Variants in ZRANB2 observed in about 807,000 individuals in gnomAD.
The protein encoded by ZRANB2 is zinc finger RANBP2-type containing 2.
In ZRANB2, 19 loss-of-function variants were observed where a neutral mutation model predicts 53.4. That is an observed-to-expected ratio of 0.36 (90% CI 0.25 to 0.52). The LOEUF (loss-of-function observed/expected upper bound fraction) is 0.52, where lower values mean the gene tolerates loss of function less well. ZRANB2 is among the 20% of genes least tolerant of loss of function. The pLI, the probability that ZRANB2 is intolerant of heterozygous loss-of-function variation, is 0.93. For synonymous variants in ZRANB2, 145 were observed against 134.8 expected, an observed-to-expected ratio of 1.08 and a Z score of -0.52; for missense variants, 309 against 401.1, an observed-to-expected ratio of 0.77 and a Z score of 1.96.
At chr1:71,069,470 A>G (rs1160245524) in intron 7 of ZRANB2, 108 bp from the exon 8 acceptor site, 3 of 703,464 alleles carry the variant, frequency 4.3e-6, no homozygotes, top group Non-Finnish European at 7.2e-6. Context: ...ATATAAAAAG[A>G]TAACTATACA....
chr1:71,080,922 G>C lies in ZRANB2; in HGVS notation c.56+18C>G. On this transcript the variant is annotated intron_variant, in intron 1 of 9. Coordinates refer to ENST00000370920, the MANE Select transcript of ZRANB2 (RefSeq NM_203350.3). ...ACTAACAAACTCCGTCCCAATTCAG[G>C]ACCCTTCTTGAACTCACTTTTTGTC... 1 of 1,613,944 alleles carries C rather than the reference G, an allele frequency of 6.2e-7. No homozygotes were observed. Among genetic ancestry groups the C allele is most frequent in the Non-Finnish European group, 8.5e-7 (1 of 1,179,842 alleles).
chr1:71,071,128 C>T, intron 6 of ZRANB2, 132 bp from the exon 7 acceptor site: 1 of 739,750 alleles, frequency 1.4e-6, no homozygotes, highest in Non-Finnish European at 1.9e-6. Context: ...ATTCTGAATT[C>T]TAAAATTCAC....
At chr1:71,076,752 G>T in intron 4 of ZRANB2, 43 bp downstream of exon 4, 1 of 1,413,380 alleles carries the variant, frequency 7.1e-7, no homozygotes, top group Non-Finnish European at 9.9e-7. Context: ...AATATTTAGT[G>T]CTTTAAAAAA....
chr1:71,069,537 G>A, intron 7 of ZRANB2, 175 bp from the exon 8 acceptor site: 1 of 423,104 alleles, frequency 2.4e-6, no homozygotes, highest in Non-Finnish European at 4.2e-6. Flanking sequence ...GTAACAAAAG[G>A]TAATTAAAAA....
chr1:71,071,069 T>G (rs1661584839), intron 6 of ZRANB2, 73 bp from the exon 7 acceptor site: 2 of 1,338,380 alleles, frequency 1.5e-6, no homozygotes, highest in Non-Finnish European at 2.0e-6. Context: ...AACAGTTAGG[T>G]GTACTGAGCA....
At chr1:71,080,718 G>A (rs888336616) in intron 1 of ZRANB2, among the ~76,000 whole-genome samples, 4 of 152,090 alleles carry the variant, frequency 2.6e-5, no homozygotes, top group Admixed American at 6.5e-5. Flanking sequence ...CCTTGCGGAG[G>A]TAATGTCGAG....
intron 7 of ZRANB2, among the ~76,000 whole-genome samples, chr1:71,070,460 C>G (rs1001141566): frequency 3.3e-5 from 5 of 151,954 alleles, no homozygotes; most frequent in African/African-American, 1.2e-4. Context: ...AATTTCTGTG[C>G]TAGCCTTTAA....
chr1:71,075,703 C>T (rs918354503), intron 4 of ZRANB2, among the ~76,000 whole-genome samples: 1 of 151,726 alleles, frequency 6.6e-6, no homozygotes, highest in Non-Finnish European at 1.5e-5. Flanking sequence ...GAAGGAGGTA[C>T]GGTGCATACC....
chr1:71,068,802 T>C (rs1286812705), intron 8 of ZRANB2, among the ~76,000 whole-genome samples: 1 of 151,950 alleles, frequency 6.6e-6, no homozygotes, highest in African/African-American at 2.4e-5. Context: ...TATTAATTTT[T>C]TTTTTTTTTG....
At chr1:71,080,125 A>G (rs1368330475) in intron 1 of ZRANB2, among the ~76,000 whole-genome samples, 2 of 152,226 alleles carry the variant, frequency 1.3e-5, no homozygotes, top group Non-Finnish European at 2.9e-5. Flanking sequence ...GGTACAACAA[A>G]TAAAAGGCTT....
intron 8 of ZRANB2, chr1:71,067,717 A>G (rs1189590760): frequency 4.7e-6 from 2 of 422,544 alleles, no homozygotes; most frequent in Non-Finnish European, 9.4e-6. Flanking sequence ...GTTACAAGCA[A>G]TGAAAAAATG....
In ZRANB2 at chr1:71,078,373, A is replaced by G. The variant is rs927650307; in HGVS notation, c.218+84T>C. 15 of 1,156,764 alleles carry G rather than the reference A, an allele frequency of 1.3e-5. No individual in the cohort carries two copies. The African/African-American group carries it at 2.2e-4, about 17-fold the overall frequency. The allele number at this position is 1,156,764 out of a possible 1,614,324, so 71.7% of individuals were successfully genotyped here. A position where few individuals can be genotyped will look rare whatever the true frequency, so the allele number is the denominator to read the frequency against. On this transcript the variant is annotated intron_variant, in intron 3 of 9. Coordinates refer to ENST00000370920, the MANE Select transcript of ZRANB2 (RefSeq NM_203350.3). ...AAGGTTACCCTGGCTTGTCAATGTC[A>G]CTAATAAGAGCTGTAATATAAACAA...
chr1:71,069,381 AT>A lies in ZRANB2; in HGVS notation c.684-20del, dbSNP rs746169423. The A allele has an allele frequency of 1.1e-3, 1,593 of 1,512,358 alleles. No individual in the cohort carries two copies. Among genetic ancestry groups the A allele is most frequent in the Admixed American group, 2.0e-3 (110 of 55,260 alleles). The allele number at this position is 1,512,358 out of a possible 1,614,324, so 93.7% of individuals were successfully genotyped here. A position where few individuals can be genotyped will look rare whatever the true frequency, so the allele number is the denominator to read the frequency against. On this transcript the variant is annotated intron_variant, in intron 7 of 9. Transcript: ENST00000370920. The stretch of plus-strand genomic sequence containing the variant: ...ACGGGACCTGGAACAACATGGAACG[AT>A]TTTTTTTTTCCAGGACCATTTAATT...
Position 71,065,091 on chromosome 1 carries a change from T to C in ZRANB2, c.976A>G (p.Ser326Gly). 1 of 1,611,210 alleles carries C rather than the reference T, an allele frequency of 6.2e-7. No individual in the cohort carries two copies. The highest frequency in any genetic ancestry group is 8.5e-7 in the Non-Finnish European group (1 of 1,178,158). The change falls in exon 10 of 10, where the codon AGT becomes GGT. Residue 326 changes from serine to glycine, a missense_variant. Physicochemically the swap from Ser to Gly is moderately conservative, Grantham distance 56. Transcript: ENST00000370920. The stretch of plus-strand genomic sequence containing the variant: ...TTAATACATTATTTCTTTTTTGAAC[T>C]TGAACGGGAACCAGAATGGGATGAT... ...SGSSHSGSRS[S>G]SKKK
At chr1:71,070,727 AAAAGG>A in intron 7 of ZRANB2, 95 bp downstream of exon 7, 1 of 697,422 alleles carries the variant, frequency 1.4e-6, no homozygotes, top group South Asian at 3.4e-5. Context: ...TTTTAAAATA[AAAAGG>A]AAAGTTTATT....
intron 4 of ZRANB2, among the ~76,000 whole-genome samples, 186 bp from the exon 5 acceptor site, chr1:71,072,734 A>G (rs1661621264): frequency 2.6e-5 from 4 of 152,124 alleles, no homozygotes; most frequent in African/African-American, 9.7e-5. Flanking sequence ...CTTAGTTGTA[A>G]CGTCATATGG....
At chr1:71,078,141 AT>A (rs1220017977) in intron 3 of ZRANB2, among the ~76,000 whole-genome samples, 1 of 152,112 alleles carries the variant, frequency 6.6e-6, no homozygotes, top group African/African-American at 2.4e-5. Flanking sequence ...AAAAATTGGG[AT>A]TTTTCAATAA....
At chr1:71,072,705 C>T (rs1467813123) in intron 4 of ZRANB2, among the ~76,000 whole-genome samples, 157 bp from the exon 5 acceptor site, 1 of 152,072 alleles carries the variant, frequency 6.6e-6, no homozygotes, top group African/African-American at 2.4e-5. Flanking sequence ...TTAGAAATCA[C>T]CACAGAAAAT....
chr1:71,074,192 G>T (rs1202717324), intron 4 of ZRANB2, among the ~76,000 whole-genome samples: 9 of 152,042 alleles, frequency 5.9e-5, no homozygotes, highest in Non-Finnish European at 8.8e-5. Context: ...AGACTCTTTT[G>T]CTCACCTAGG....
Sources: gnomAD v4.1 joint callset for allele counts (sites outside exome capture counted in the v4.1 genomes callset) on GRCh38, gnomAD v4.1.1 for gene constraint, MANE v1.5 for transcripts, NCBI Gene and HGNC (gene_info 2026-07-23, HGNC 2026-07-21) for gene names.